RETN: variants seen among roughly 807,000 people sequenced by gnomAD.
The protein encoded by RETN is resistin.
RETN carries 5 observed loss-of-function variants against 6.1 expected under a neutral mutation model. The ratio of observed to expected loss-of-function variants is 0.82; its 90% CI spans 0.43 to 1.73. The LOEUF (loss-of-function observed/expected upper bound fraction) is 1.73. RETN is among the 40% of genes most tolerant of loss of function. The pLI, the probability that RETN is intolerant of heterozygous loss-of-function variation, is 0.02. For missense variants in RETN, 168 were observed against 142.5 expected (o/e 1.18, Z -0.91); for synonymous variants, 62 against 59.2 (o/e 1.05, Z -0.22).
Position 7,670,320 on chromosome 19 carries a change from G to A in RETN, c.298G>A (p.Gly100Arg). 2 of 1,568,832 alleles carry A rather than the reference G, an allele frequency of 1.3e-6. No homozygotes were observed. The highest frequency in any genetic ancestry group is 1.7e-6 in the Non-Finnish European group (2 of 1,162,390). ...HCQCAGMDWT[G>R]ARCCRVQP Reference sequence around the variant, plus strand: ...CCAGTGCGCGGGCATGGACTGGACCGGAGCGCGCTGCTGTCGTGTGCAGCC... The same window carrying A: ...CCAGTGCGCGGGCATGGACTGGACCAGAGCGCGCTGCTGTCGTGTGCAGCC... Residue 100 changes from glycine to arginine, a missense_variant, in exon 4 of 4, where the codon GGA becomes AGA. By Grantham distance (125) the Gly-to-Arg change is moderately radical. Transcript: ENST00000221515.
chr19:7,669,940 C>G, intron 3 of RETN, 42 bp downstream of exon 3: 1 of 1,529,994 alleles, frequency 6.5e-7, no homozygotes, highest in Admixed American at 1.7e-5. Flanking sequence ...ATTTCTGTTC[C>G]AAGTCCCCTG....
In RETN at chr19:7,670,240, CT is replaced by C. The variant is rs1481421626; in HGVS notation, c.220del (p.Cys74ValfsTer61). The C allele has an allele frequency of 6.2e-7, 1 of 1,604,806 alleles. No individual in the cohort carries two copies. ...GCAGGCTTCGCCGTCACCGGCTGCACTTGTGGCTCCGCCTGTGGCTCGTGGG... is the reference window on the plus strand; with the variant it reads ...GCAGGCTTCGCCGTCACCGGCTGCACTGTGGCTCCGCCTGTGGCTCGTGGG... ...CPRGFAVTGC[T>X]CGSACGSWDV... On this transcript the variant is annotated frameshift_variant, in exon 4 of 4. Coordinates refer to ENST00000221515, the MANE Select transcript of RETN (RefSeq NM_020415.4). LOFTEE classifies it low-confidence loss of function (END_TRUNC).
At chr19:7,669,529 C>T in intron 2 of RETN, 85 bp downstream of exon 2, 2 of 953,304 alleles carry the variant, frequency 2.1e-6, no homozygotes, top group South Asian at 1.3e-5. Context: ...CAACCCAGCC[C>T]CAGCGCTCAC....
chr19:7,669,791 C>A (rs780266798), intron 2 of RETN, 30 bp from the exon 3 acceptor site: 8 of 1,602,380 alleles, frequency 5.0e-6, no homozygotes, highest in Middle Eastern at 1.7e-4. Flanking sequence ...TCTCACAGCT[C>A]CCCCTGTCTC....
At position 7,670,365 on chromosome 19, in the gene RETN, G is replaced by A; in HGVS notation, c.*16G>A. 1 of 1,540,532 alleles carries A rather than the reference G, an allele frequency of 6.5e-7. No homozygotes were observed. The highest frequency in any genetic ancestry group is 8.7e-7 in the Non-Finnish European group (1 of 1,146,892). Reference sequence around the variant, plus strand: ...GCAGCCCTGAGGTCGCGCGCAGCGCGTGCACAGCGCGGGCGGAGGCGGCTC... The same window carrying A: ...GCAGCCCTGAGGTCGCGCGCAGCGCATGCACAGCGCGGGCGGAGGCGGCTC... On this transcript the variant is annotated 3_prime_UTR_variant, in exon 4 of 4. Coordinates refer to ENST00000221515, the MANE Select transcript of RETN (RefSeq NM_020415.4).
intron 3 of RETN, 146 bp from the exon 4 acceptor site, chr19:7,670,073 C>T: frequency 9.8e-7 from 1 of 1,023,456 alleles, no homozygotes; most frequent in Non-Finnish European, 1.4e-6. Flanking sequence ...CTCCCTGCCT[C>T]CAGTGCCCAT....
chr19:7,669,254 G>A (rs2146247644), intron 1 of RETN, 63 bp from the exon 2 acceptor site: 1 of 1,164,066 alleles, frequency 8.6e-7, no homozygotes, highest in Non-Finnish European at 1.3e-6. Flanking sequence ...TCCCTCCATG[G>A]GCCGGATCTT....
At chr19:7,669,295 G>T (rs1361641613) in intron 1 of RETN, 22 bp from the exon 2 acceptor site, 11 of 1,539,442 alleles carry the variant, frequency 7.1e-6, no homozygotes, top group Admixed American at 1.7e-5. Flanking sequence ...CCAGCTGTGG[G>T]TCTCTTGGTT....
intron 3 of RETN, 100 bp downstream of exon 3, chr19:7,669,998 C>T (rs2032469394): frequency 3.9e-6 from 4 of 1,035,566 alleles, no homozygotes; most frequent in East Asian, 5.0e-5. Flanking sequence ...CTCTACTCCC[C>T]TAGGATCTTG....
chr19:7,670,375 C>G lies in RETN; in HGVS notation c.*26C>G. 1 of 1,533,248 alleles carries G rather than the reference C, an allele frequency of 6.5e-7. No homozygotes were observed. The highest frequency in any genetic ancestry group is 8.7e-7 in the Non-Finnish European group (1 of 1,143,300). 95.0% of individuals were successfully genotyped at this position (1,533,248 alleles called of 1,614,324 possible). A position where few individuals can be genotyped will look rare whatever the true frequency, so the allele number is the denominator to read the frequency against. On this transcript the variant is annotated 3_prime_UTR_variant, in exon 4 of 4. Transcript: ENST00000221515. ...GGTCGCGCGCAGCGCGTGCACAGCG[C>G]GGGCGGAGGCGGCTCCAGGTCCGGA...
intron 3 of RETN, 46 bp from the exon 4 acceptor site, chr19:7,670,173 T>A: frequency 5.1e-6 from 6 of 1,172,688 alleles, no homozygotes; most frequent in African/African-American, 2.7e-5. Flanking sequence ...GCTCCCACCC[T>A]CAGCCTCCCA....
At chr19:7,669,922 A>G (rs1383119899) in intron 3 of RETN, 24 bp downstream of exon 3, 11 of 1,602,300 alleles carry the variant, frequency 6.9e-6, no homozygotes, top group Non-Finnish European at 9.4e-6. Context: ...ACTGTTGTCC[A>G]GGCGCCCATT....
chr19:7,669,170 G>A (rs1435240454), intron 1 of RETN, 49 bp downstream of exon 1: 2 of 656,866 alleles, frequency 3.0e-6, no homozygotes, highest in Non-Finnish European at 5.5e-6. Flanking sequence ...CGGGGAGGCT[G>A]GGGTCAAGGC....
chr19:7,669,236 G>A lies in RETN; in HGVS notation c.-10-81G>A. ...GGACAGGGGTCCAGGTCCAGGGGCA[G>A]ATCCTACTCCCTCCATGGGCCGGAT... is the stretch of plus-strand genomic sequence containing the variant. On this transcript the variant is annotated intron_variant, in intron 1 of 3. Transcript: ENST00000221515. 3.0e-6 allele frequency: 3 copies of A among 999,166 alleles called. No individual in the cohort carries two copies. The South Asian group carries it at 3.8e-5, about 13-fold the overall frequency. The allele number at this position is 999,166 out of a possible 1,614,324, so 61.9% of individuals were successfully genotyped here.
intron 3 of RETN, 69 bp downstream of exon 3, chr19:7,669,967 G>A (rs991111160): frequency 3.3e-6 from 4 of 1,217,698 alleles, no homozygotes; most frequent in African/African-American, 3.0e-5. Flanking sequence ...CCCCCTCCCC[G>A]CCACGTTCCC....
rs1460242222 is a variant in RETN, at chr19:7,670,345, C to A, written c.323C>A (p.Pro108His). ...GGAGCGCGCTGCTGTCGTGTGCAGC[C>A]CTGAGGTCGCGCGCAGCGCGTGCAC... is the stretch of plus-strand genomic sequence containing the variant. Reference protein sequence around the residue: ...WTGARCCRVQP With the variant: ...WTGARCCRVQH Residue 108 changes from proline to histidine, a missense_variant, in exon 4 of 4, where the codon CCC becomes CAC. Coordinates refer to ENST00000221515, the MANE Select transcript of RETN (RefSeq NM_020415.4). 6.4e-7 allele frequency: 1 copy of A among 1,550,558 alleles called. No homozygotes were observed. Among genetic ancestry groups the A allele is most frequent in the Non-Finnish European group, 8.7e-7 (1 of 1,152,522 alleles).
rs139153129 is a variant in RETN at position 7,669,837 on chromosome 19, C to T, written c.135C>T (p.Ser45=). ...VAGSLIFRAI[S]SIGLECQSVT... ...GCCCCCCAGTATTTAGGGCAATAAG[C>T]AGCATTGGCCTGGAGTGCCAGAGCG... The change falls in exon 3 of 4, where the codon AGC becomes AGT. Residue 45 remains serine (S), a synonymous_variant. Transcript: ENST00000221515. 4 of 1,614,124 alleles carry T rather than the reference C, an allele frequency of 2.5e-6. No homozygotes were observed. Among genetic ancestry groups the T allele is most frequent in the Non-Finnish European group, 3.4e-6 (4 of 1,179,992 alleles).
Position 7,669,089 on chromosome 19 carries a change from T to C in RETN, c.-43T>C, listed in dbSNP as rs915918313. Reference sequence around the variant, plus strand: ...AAGAGCTGCGGTGCAGGAATTCGTGTGCCGGATTTGGTTAGCTGAGCCCAC... The same window carrying C: ...AAGAGCTGCGGTGCAGGAATTCGTGCGCCGGATTTGGTTAGCTGAGCCCAC... On this transcript the variant is annotated 5_prime_UTR_variant, in exon 1 of 4. Transcript: ENST00000221515. The C allele has an allele frequency of 5.9e-6, 3 of 507,824 alleles. No homozygotes were observed. Among genetic ancestry groups the C allele is most frequent in the Non-Finnish European group, 1.1e-5 (3 of 279,468 alleles). 31.5% of individuals were successfully genotyped at this position (507,824 alleles called of 1,614,324 possible). A position where few individuals can be genotyped will look rare whatever the true frequency, so the allele number is the denominator to read the frequency against.
rs1042960131 is a variant in RETN at position 7,669,116 on chromosome 19, G to A, written c.-16G>A. 9 of 553,410 alleles carry A rather than the reference G, an allele frequency of 1.6e-5. No homozygotes were observed. The highest frequency in any genetic ancestry group is 9.1e-5 in the East Asian group (3 of 32,924). 34.3% of individuals were successfully genotyped at this position (553,410 alleles called of 1,614,324 possible). On this transcript the variant is annotated 5_prime_UTR_variant, in exon 1 of 4. Transcript: ENST00000221515. ...CCGGATTTGGTTAGCTGAGCCCACC[G>A]AGAGGGTAAGTGACAGCTGCTCCTG...
Sources: gnomAD v4.1 joint callset for allele counts on GRCh38, gnomAD v4.1.1 for gene constraint, MANE v1.5 for transcripts, NCBI Gene and HGNC (gene_info 2026-07-23, HGNC 2026-07-21) for gene names.